The following FGF1 variants were observed in gnomAD, a reference collection of about 807,000 sequenced individuals.
The protein encoded by FGF1 is fibroblast growth factor 1, also known as beta-endothelial cell growth factor.
Under a neutral mutation model 13.4 loss-of-function variants are expected in FGF1, and 9 were observed. The observed-to-expected ratio is 0.67, with a 90% CI of 0.40 to 1.17. The LOEUF (loss-of-function observed/expected upper bound fraction) is 1.17, where lower values mean the gene tolerates loss of function less well. FGF1 is among the 50% of genes most tolerant of loss of function. The pLI is 0.01. For synonymous variants in FGF1, 93 were observed against 79.0 expected, an observed-to-expected ratio of 1.18 and a Z score of -0.94; for missense variants, 156 against 192.7, an observed-to-expected ratio of 0.81 and a Z score of 1.13.
chr5:142,594,974 C>G lies in FGF1; in HGVS notation c.*316G>C, dbSNP rs1054666230. 4 of 288,090 alleles carry G rather than the reference C, an allele frequency of 1.4e-5. No individual in the cohort carries two copies. The highest frequency in any genetic ancestry group is 2.6e-5 in the Non-Finnish European group (4 of 154,874). 17.8% of individuals were successfully genotyped at this position (288,090 alleles called of 1,614,324 possible). ...TACTAATGTCCCACTTAGCCGACCCCTTAACACACTTCATTTAGCCCCACT... is the reference window on the plus strand; with the variant it reads ...TACTAATGTCCCACTTAGCCGACCCGTTAACACACTTCATTTAGCCCCACT... On this transcript the variant is annotated 3_prime_UTR_variant, in exon 4 of 4. Coordinates refer to ENST00000337706, the MANE Select transcript of FGF1 (RefSeq NM_000800.5).
Position 142,600,810 on chromosome 5 carries a change from A to G in FGF1, c.170-5T>C. ...CCGCACTGAGCTGCAGCTGAACTGG[A>G]ATAAAAATAACACGAGCAAAAGTAA... On this transcript the variant is annotated splice_polypyrimidine_tract_variant and splice_region_variant and intron_variant, in intron 2 of 3. Transcript: ENST00000337706. The G allele has an allele frequency of 6.2e-7, 1 of 1,602,680 alleles. No individual in the cohort carries two copies. Among genetic ancestry groups the G allele is most frequent in the Non-Finnish European group, 8.5e-7 (1 of 1,171,916 alleles).
chr5:142,597,251 A>T (rs1304072940), intron 3 of FGF1, among the ~76,000 whole-genome samples: 1 of 152,232 alleles, frequency 6.6e-6, no homozygotes, highest in Non-Finnish European at 1.5e-5. Flanking sequence ...ACTTCTAGGA[A>T]TCTACCCCTA....
At chr5:142,692,990 C>A (rs1752481951) in intron 2 of FGF1, among the ~76,000 whole-genome samples, 1 of 152,146 alleles carries the variant, frequency 6.6e-6, no homozygotes, top group African/African-American at 2.4e-5. Flanking sequence ...CTTTTGGAAG[C>A]ATGATTTAAA....
chr5:142,669,238 G>C (rs1017925164), intron 1 of FGF1, among the ~76,000 whole-genome samples: 5 of 152,222 alleles, frequency 3.3e-5, no homozygotes, highest in African/African-American at 4.8e-5. Context: ...AATTCTTCTG[G>C]AAAATTGTTG....
chr5:142,593,639 GA>G lies in FGF1; in HGVS notation c.*1650del, dbSNP rs1269888668. 6.6e-6 allele frequency: 1 copy of G among 152,250 alleles called. No individual in the cohort carries two copies. Among genetic ancestry groups the G allele is most frequent in the East Asian group, 1.9e-4 (1 of 5,200 alleles). 9.4% of individuals were successfully genotyped at this position (152,250 alleles called of 1,614,324 possible). ...AAAGAAAATTTGTAATAGCACAGTG[GA>G]AAACAAAAATCTCATTTTATAGGTA... is the stretch of plus-strand genomic sequence containing the variant. On this transcript the variant is annotated 3_prime_UTR_variant, in exon 4 of 4. Coordinates refer to ENST00000337706, the MANE Select transcript of FGF1 (RefSeq NM_000800.5).
chr5:142,688,954 C>G (rs1220575863), upstream of FGF1, among the ~76,000 whole-genome samples: 2 of 152,226 alleles, frequency 1.3e-5, no homozygotes, highest in African/African-American at 4.8e-5. Flanking sequence ...CTCAGTGTCT[C>G]TGAAAATCAG....
intron 1 of FGF1, among the ~76,000 whole-genome samples, chr5:142,670,824 C>T (rs1771327036): frequency 6.6e-6 from 1 of 152,240 alleles, no homozygotes; most frequent in South Asian, 2.1e-4. Context: ...CATGTGTTAT[C>T]TGTGATCTCT....
At chr5:142,624,129 A>G (rs1171093220) in intron 1 of FGF1, among the ~76,000 whole-genome samples, 4 of 152,270 alleles carry the variant, frequency 2.6e-5, no homozygotes, top group African/African-American at 9.6e-5. Flanking sequence ...CACGTTGGCC[A>G]GGCTGGTCTC....
chr5:142,637,792 C>T (rs1020252819), intron 1 of FGF1, among the ~76,000 whole-genome samples: 1 of 151,970 alleles, frequency 6.6e-6, no homozygotes, highest in Non-Finnish European at 1.5e-5. Flanking sequence ...TCTCAAGAAC[C>T]CAATTGACAA....
chr5:142,595,278 G>GA lies in FGF1; in HGVS notation c.*11dup, dbSNP rs1328663503. On this transcript the variant is annotated 3_prime_UTR_variant, in exon 4 of 4. Coordinates refer to ENST00000337706, the MANE Select transcript of FGF1 (RefSeq NM_000800.5). ...ACTTCTCTGGAGTGGTCAACACCCA[G>GA]AACAGATCTCTTTAATCAGAAGAGA... 1 of 1,612,158 alleles carries GA rather than the reference G, an allele frequency of 6.2e-7. No homozygotes were observed. The highest frequency in any genetic ancestry group is 1.1e-5 in the South Asian group (1 of 90,692).
rs536247907 is a variant in FGF1 at position 142,641,634 on chromosome 5, A to G, written c.-34-27473T>C. Among the ~76,000 whole-genome samples the G allele has an allele frequency of 2.0e-5, 3 of 152,150 alleles. No individual in the cohort carries two copies. In the South Asian group the frequency reaches 6.2e-4, roughly 32 times the overall value. ...AATGAATTGAATCTAATTTATTTGT[A>G]CTATATTATTGAGTACTTTGTTATC... On this transcript the variant is annotated intron_variant, in intron 1 of 3. Coordinates refer to ENST00000337706, the MANE Select transcript of FGF1 (RefSeq NM_000800.5).
At chr5:142,624,719 G>A (rs1762186913) in intron 1 of FGF1, among the ~76,000 whole-genome samples, 1 of 152,200 alleles carries the variant, frequency 6.6e-6, no homozygotes, top group South Asian at 2.1e-4. Flanking sequence ...CTTCTACTCA[G>A]TGCCTGCCAT....
chr5:142,637,426 TCTC>T (rs910401854), intron 1 of FGF1, among the ~76,000 whole-genome samples: 3 of 151,462 alleles, frequency 2.0e-5, no homozygotes, highest in Non-Finnish European at 4.4e-5. Flanking sequence ...TTCACACCAT[TCTC>T]CTGCCTCAGC....
rs1471997825 is a variant in FGF1 at position 142,595,286 on chromosome 5, C to A, written c.*4G>T. On this transcript the variant is annotated 3_prime_UTR_variant, in exon 4 of 4. Transcript: ENST00000337706. ...GGAGTGGTCAACACCCAGAACAGAT[C>A]TCTTTAATCAGAAGAGACTGGCAGG... 4.3e-6 allele frequency: 7 copies of A among 1,612,660 alleles called. No individual in the cohort carries two copies. The African/African-American group carries it at 9.3e-5, about 22-fold the overall frequency.
intron 2 of FGF1, among the ~76,000 whole-genome samples, chr5:142,608,395 T>C (rs1254049717): frequency 6.6e-6 from 1 of 151,844 alleles, no homozygotes; most frequent in Non-Finnish European, 1.5e-5. Flanking sequence ...TCAGTGACAT[T>C]TATAATTAAA....
At chr5:142,664,009 C>A (rs895546942) in intron 1 of FGF1, among the ~76,000 whole-genome samples, 2 of 152,100 alleles carry the variant, frequency 1.3e-5, no homozygotes, top group African/African-American at 4.8e-5. Flanking sequence ...ACCATGGAGG[C>A]TTATGAACTA....
intron 1 of FGF1, among the ~76,000 whole-genome samples, chr5:142,615,209 C>A (rs576678902): frequency 1.3e-5 from 2 of 151,754 alleles, no homozygotes; most frequent in Admixed American, 6.6e-5. Flanking sequence ...AGGAAACTAA[C>A]GTGTGAACTG....
intron 1 of FGF1, among the ~76,000 whole-genome samples, chr5:142,644,655 C>A (rs1028541297): frequency 6.6e-6 from 1 of 152,204 alleles, no homozygotes; most frequent in Non-Finnish European, 1.5e-5. Flanking sequence ...CCAAAACTCC[C>A]TGAGCATGCA....
chr5:142,650,785 C>T (rs1411086474), intron 1 of FGF1, among the ~76,000 whole-genome samples: 1 of 152,110 alleles, frequency 6.6e-6, no homozygotes, highest in East Asian at 1.9e-4. Context: ...CCGAAACATG[C>T]AGTCCCCATT....
Sources: gnomAD v4.1 joint callset for allele counts (sites outside exome capture counted in the v4.1 genomes callset) on GRCh38, gnomAD v4.1.1 for gene constraint, MANE v1.5 for transcripts, NCBI Gene and HGNC (gene_info 2026-07-23, HGNC 2026-07-21) for gene names.